The following RGL1 variants were observed in gnomAD, a reference collection of about 807,000 sequenced individuals.
RGL1 encodes the protein ral guanine nucleotide dissociation stimulator like 1.
Under a neutral mutation model 95.2 loss-of-function variants are expected in RGL1, and 24 were observed. The observed-to-expected ratio is 0.25, with a 90% CI of 0.18 to 0.35. The LOEUF is 0.35. Among genes scored for constraint, RGL1 ranks in the 10% least tolerant of loss-of-function variants. RGL1 has a pLI of 1.00. For synonymous variants in RGL1, 329 were observed against 344.9 expected (o/e 0.95, Z 0.51); for missense variants, 715 against 936.3 (o/e 0.76, Z 3.08).
intron 2 of RGL1, among the ~76,000 whole-genome samples, chr1:183,829,439 T>TAA (rs748047870): frequency 9.8e-5 from 13 of 132,822 alleles, no homozygotes; most frequent in African/African-American, 1.4e-4. Context: ...AGACCCTGCT[T>TAA]AAAAAAAAAA....
intron 3 of RGL1, among the ~76,000 whole-genome samples, chr1:183,851,525 G>C (rs1437196789): frequency 6.6e-6 from 1 of 152,004 alleles, no homozygotes; most frequent in Non-Finnish European, 1.5e-5. Flanking sequence ...CATAAGACCT[G>C]GATCCACCCC....
intron 6 of RGL1, among the ~76,000 whole-genome samples, 170 bp from the exon 7 acceptor site, chr1:183,884,553 A>G (rs569970928): frequency 2.6e-4 from 40 of 152,328 alleles, no homozygotes; most frequent in African/African-American, 7.9e-4. Flanking sequence ...ATCGATGAGT[A>G]TATTAATTAT....
At chr1:183,642,724 A>G (rs1469231091) in intron 1 of RGL1, among the ~76,000 whole-genome samples, 1 of 152,192 alleles carries the variant, frequency 6.6e-6, no homozygotes, top group Non-Finnish European at 1.5e-5. Context: ...AACAGAAAAG[A>G]TGTCACTTTT....
chr1:183,710,608 G>T (rs745458268), intron 1 of RGL1, among the ~76,000 whole-genome samples: 2 of 152,152 alleles, frequency 1.3e-5, no homozygotes, highest in Non-Finnish European at 2.9e-5. Context: ...GGCTAGAGAG[G>T]CCTCAGGAAA....
intron 11 of RGL1, among the ~76,000 whole-genome samples, chr1:183,902,056 A>G (rs899534042): frequency 3.1e-4 from 47 of 152,216 alleles, no homozygotes; most frequent in African/African-American, 6.5e-4. Context: ...GGAAACACCC[A>G]TCAGTGTTGG....
chr1:183,756,198 T>C (rs1658326316), intron 2 of RGL1, among the ~76,000 whole-genome samples: 2 of 151,506 alleles, frequency 1.3e-5, no homozygotes. Flanking sequence ...GTTCATTTTT[T>C]TTTTTTTCTT....
chr1:183,683,979 C>T (rs1653395808), intron 1 of RGL1, among the ~76,000 whole-genome samples: 2 of 152,118 alleles, frequency 1.3e-5, no homozygotes, highest in African/African-American at 4.8e-5. Flanking sequence ...CTTGTGTATG[C>T]TTCACAAAGT....
intron 1 of RGL1, among the ~76,000 whole-genome samples, chr1:183,720,465 A>T (rs1655957732): frequency 6.6e-6 from 1 of 152,212 alleles, no homozygotes; most frequent in Non-Finnish European, 1.5e-5. Flanking sequence ...TGTATATGCA[A>T]CCTATAAGAA....
intron 12 of RGL1, 86 bp downstream of exon 12, chr1:183,902,686 G>GAAA (rs754818110): frequency 1.5e-6 from 2 of 1,314,596 alleles, no homozygotes; most frequent in Non-Finnish European, 2.1e-6. Flanking sequence ...TGTAGAGGCA[G>GAAA]AAAAAAATGA....
chr1:183,866,042 A>G lies in RGL1; in HGVS notation c.394A>G (p.Ser132Gly), dbSNP rs1209875575. 2 of 1,613,852 alleles carry G rather than the reference A, an allele frequency of 1.2e-6. No individual in the cohort carries two copies. Among genetic ancestry groups the G allele is most frequent in the East Asian group, 2.2e-5 (1 of 44,856 alleles). Residue 132 changes from serine (S) to glycine (G), a missense_variant, in exon 4 of 18, where the codon AGT becomes GGT. Ser to Gly is a moderately conservative substitution (Grantham distance 56). Transcript: ENST00000360851. Reference sequence around the variant, plus strand: ...AAACTGTGAAGAAGATGGAAGCCAAAGTTCATCAGAGTCCAAAATGGTGAT... The same window carrying G: ...AAACTGTGAAGAAGATGGAAGCCAAGGTTCATCAGAGTCCAAAATGGTGAT... ...SPNCEEDGSQ[S>G]SSESKMVIRN...
chr1:183,754,137 G>A (rs1658194978), intron 2 of RGL1, among the ~76,000 whole-genome samples: 1 of 152,224 alleles, frequency 6.6e-6, no homozygotes, highest in African/African-American at 2.4e-5. Flanking sequence ...AAATTCTAAG[G>A]AGAAAATGAC....
chr1:183,908,759 C>T (rs1028026942), intron 14 of RGL1, among the ~76,000 whole-genome samples: 9 of 152,132 alleles, frequency 5.9e-5, no homozygotes, highest in African/African-American at 2.2e-4. Flanking sequence ...AGCTTCTGGA[C>T]CCACTATGGC....
chr1:183,926,065 T>A, intron 17 of RGL1, 40 bp from the exon 18 acceptor site: 1 of 1,580,592 alleles, frequency 6.3e-7, no homozygotes, highest in Non-Finnish European at 8.6e-7. Context: ...TGAGCTGACC[T>A]CCACAAGCTG....
intron 1 of RGL1, among the ~76,000 whole-genome samples, chr1:183,717,184 A>G (rs1216575588): frequency 6.6e-6 from 1 of 152,238 alleles, no homozygotes; most frequent in Non-Finnish European, 1.5e-5. Context: ...AACATCTGCA[A>G]TGAAAGAATT....
chr1:183,729,836 A>G (rs1183257289), intron 1 of RGL1, among the ~76,000 whole-genome samples: 1 of 152,196 alleles, frequency 6.6e-6, no homozygotes, highest in African/African-American at 2.4e-5. Context: ...TCTCAAAATA[A>G]ATGTGGTAAG....
At chr1:183,862,579 A>G (rs1173255302) in intron 3 of RGL1, among the ~76,000 whole-genome samples, 1 of 152,178 alleles carries the variant, frequency 6.6e-6, no homozygotes, top group Non-Finnish European at 1.5e-5. Context: ...TTAATTGTAG[A>G]TTTTTGGAAT....
chr1:183,682,060 T>G (rs2102080793), intron 1 of RGL1, among the ~76,000 whole-genome samples: 1 of 152,352 alleles, frequency 6.6e-6, no homozygotes, highest in East Asian at 1.9e-4. Flanking sequence ...TTCTCTATTT[T>G]ATTCTTTAAT....
chr1:183,704,362 T>A (rs746754254), intron 1 of RGL1, among the ~76,000 whole-genome samples: 76 of 152,214 alleles, frequency 5.0e-4, no homozygotes, highest in Non-Finnish European at 8.8e-4. Flanking sequence ...TTTGAATATA[T>A]GTTGATCTGT....
intron 9 of RGL1, among the ~76,000 whole-genome samples, chr1:183,895,841 T>C (rs543901604): frequency 2.5e-4 from 38 of 152,216 alleles, no homozygotes; most frequent in Non-Finnish European, 7.3e-5. Flanking sequence ...AATCTCATTC[T>C]CATGAAATCA....
Sources: gnomAD v4.1 joint callset for allele counts (sites outside exome capture counted in the v4.1 genomes callset) on GRCh38, gnomAD v4.1.1 for gene constraint, MANE v1.5 for transcripts, NCBI Gene and HGNC (gene_info 2026-07-23, HGNC 2026-07-21) for gene names.